The following PLD5 variants were observed in gnomAD, a reference collection of about 807,000 sequenced individuals.
The protein encoded by PLD5 is phospholipase D family member 5.
In PLD5, 36 loss-of-function variants were observed where a neutral mutation model predicts 61.1. The ratio of observed to expected loss-of-function variants is 0.59; its 90% confidence interval spans 0.45 to 0.78. The LOEUF is 0.78. Ranked by LOEUF, PLD5 falls within the 30% of genes least tolerant of loss-of-function variation. The pLI, the probability that PLD5 is intolerant of heterozygous loss-of-function variation, is 0.00. For missense variants in PLD5, 515 were observed against 644.4 expected, an observed-to-expected ratio of 0.80 and a Z score of 2.17; for synonymous variants, 243 against 242.8, an observed-to-expected ratio of 1.00 and a Z score of -0.01.
At chr1:242,288,601 C>T in intron 2 of PLD5, 71 bp from the exon 3 acceptor site, 2 of 1,495,828 alleles carry the variant, frequency 1.3e-6, no homozygotes, top group African/African-American at 1.4e-5. Context: ...TTTATATATG[C>T]ATACAGCAGA....
At chr1:242,475,422 C>CAAAA (rs5782239) in intron 1 of PLD5, among the ~76,000 whole-genome samples, 2,203 of 90,800 alleles carry the variant, frequency 0.024, 35 homozygotes, top group Non-Finnish European at 0.035. Flanking sequence ...GACTCCGTCT[C>CAAAA]AAAAAAAAAA....
intron 5 of PLD5, among the ~76,000 whole-genome samples, chr1:242,127,024 T>C (rs1662843636): frequency 6.6e-6 from 1 of 152,140 alleles, no homozygotes; most frequent in Admixed American, 6.5e-5. Context: ...AAAGAAGATA[T>C]ACAAATGGCC....
chr1:242,257,084 C>CTATCTATCT lies in PLD5; in HGVS notation c.607+8252_607+8253insAGATAGATA, dbSNP rs60806940. On this transcript the variant is annotated intron_variant, in intron 4 of 9. Coordinates refer to ENST00000536534, the MANE Select transcript of PLD5 (RefSeq NM_001372062.1). ...TCTATCTATCTATCTATCTATCTAT[C>CTATCTATCT]ATTTATCTATATCTTTCTATCTGTC... 1.6e-3 allele frequency among the ~76,000 whole-genome samples: 238 copies of CTATCTATCT among 149,248 alleles called. 2 individuals are homozygous for CTATCTATCT. Among genetic ancestry groups the CTATCTATCT allele is most frequent in the African/African-American group, 5.7e-3 (231 of 40,580 alleles).
At chr1:242,412,143 A>G (rs1664591245) in intron 1 of PLD5, among the ~76,000 whole-genome samples, 1 of 152,188 alleles carries the variant, frequency 6.6e-6, no homozygotes. Context: ...AAGATAAGCT[A>G]GTAATGCTCA....
In PLD5 at chr1:242,348,123, A is replaced by AT. The variant is rs1558485246; in HGVS notation, c.308dup (p.Asn103LysfsTer5). On this transcript the variant is annotated frameshift_variant, in exon 2 of 10. Coordinates refer to ENST00000536534, the MANE Select transcript of PLD5 (RefSeq NM_001372062.1). LOFTEE classifies it high-confidence loss of function. ...CCTCTTACCGACATTTATTTTGGCAATTTTTTTCTGAGAGTCCATCCTCAT... is the reference window on the plus strand; with the variant it reads ...CCTCTTACCGACATTTATTTTGGCAATTTTTTTTCTGAGAGTCCATCCTCAT... 1 of 1,612,866 alleles carries AT rather than the reference A, an allele frequency of 6.2e-7. No homozygotes were observed.
chr1:242,111,118 G>A (rs996352125), intron 7 of PLD5, among the ~76,000 whole-genome samples: 1 of 150,742 alleles, frequency 6.6e-6, no homozygotes, highest in Non-Finnish European at 1.5e-5. Context: ...GTGCAATGGC[G>A]TGATCTTGGC....
intron 1 of PLD5, among the ~76,000 whole-genome samples, chr1:242,514,758 A>C (rs898580259): frequency 5.9e-5 from 9 of 152,174 alleles, no homozygotes; most frequent in Non-Finnish European, 1.0e-4. Flanking sequence ...GTGCAATGGG[A>C]TAACAGGGAA....
At chr1:242,394,926 ATACATTATATGAATATATATGATT>A in intron 1 of PLD5, among the ~76,000 whole-genome samples, 1 of 79,216 alleles carries the variant, frequency 1.3e-5, no homozygotes, top group Non-Finnish European at 2.8e-5. Flanking sequence ...GTATATATGT[ATACATTATATGAATATATATGATT>A]ATATATGAAT....
At chr1:242,520,460 G>C (rs1325787252) in intron 1 of PLD5, among the ~76,000 whole-genome samples, 1 of 152,180 alleles carries the variant, frequency 6.6e-6, no homozygotes, top group African/African-American at 2.4e-5. Context: ...TGGTAACTGT[G>C]AGCCCTTTGC....
Position 242,096,902 on chromosome 1 carries a change from C to T in PLD5, c.1354+3766G>A, listed in dbSNP as rs58250478. 8.6e-3 allele frequency among the ~76,000 whole-genome samples: 1,295 copies of T among 150,770 alleles called. 23 individuals carry two copies. The highest frequency in any genetic ancestry group is 0.028 in the African/African-American group (1,147 of 41,044). ...AACGCTATCCCTCCTCCTTCCCCCT[C>T]CCCCTCCCCACAACAGCCCCCGGTG... On this transcript the variant is annotated intron_variant, in intron 9 of 9. Transcript: ENST00000536534.
At chr1:242,372,017 A>AC (rs1400267776) in intron 1 of PLD5, among the ~76,000 whole-genome samples, 2 of 150,836 alleles carry the variant, frequency 1.3e-5, no homozygotes, top group African/African-American at 4.9e-5. Context: ...CCCTCCTACC[A>AC]CCCTCCCCAC....
At chr1:242,248,617 G>A (rs1368735654) in intron 4 of PLD5, among the ~76,000 whole-genome samples, 1 of 151,774 alleles carries the variant, frequency 6.6e-6, no homozygotes, top group African/African-American at 2.4e-5. Flanking sequence ...AAAGGCTGAA[G>A]GGAGCTCATA....
chr1:242,190,214 C>G (rs1030630667), intron 5 of PLD5, among the ~76,000 whole-genome samples: 3 of 137,478 alleles, frequency 2.2e-5, no homozygotes, highest in South Asian at 2.4e-4. Context: ...GGCAGGATCT[C>G]TGCTCACCGC....
Position 242,492,948 on chromosome 1 carries a change from G to A in PLD5, c.189+31140C>T, listed in dbSNP as rs115733353. Among the ~76,000 whole-genome samples, 606 of 152,212 alleles carry A rather than the reference G, an allele frequency of 4.0e-3. 2 individuals are homozygous for A. The highest frequency in any genetic ancestry group is 5.1e-3 in the Non-Finnish European group (349 of 68,018). On this transcript the variant is annotated intron_variant, in intron 1 of 9. Coordinates refer to ENST00000536534, the MANE Select transcript of PLD5 (RefSeq NM_001372062.1). ...TCTACTTCCTAAAACCATCACATGG[G>A]AGGTAGGATTTCAATATATGAATTT... is the stretch of plus-strand genomic sequence containing the variant.
At chr1:242,461,539 C>T (rs1057015365) in intron 1 of PLD5, among the ~76,000 whole-genome samples, 3 of 152,184 alleles carry the variant, frequency 2.0e-5, no homozygotes, top group African/African-American at 7.2e-5. Context: ...ATTTCTCAAC[C>T]TGTCCTACTC....
intron 1 of PLD5, among the ~76,000 whole-genome samples, chr1:242,448,615 G>A (rs1666648286): frequency 6.6e-6 from 1 of 152,136 alleles, no homozygotes; most frequent in South Asian, 2.1e-4. Context: ...ATTGGGAGGA[G>A]ACACTTGGAA....
chr1:242,193,895 T>C (rs1182769166), intron 5 of PLD5, among the ~76,000 whole-genome samples: 1 of 152,232 alleles, frequency 6.6e-6, no homozygotes, highest in Non-Finnish European at 1.5e-5. Context: ...ATGATTATCC[T>C]TCCAAAGTCT....
chr1:242,182,404 C>A (rs532867062), intron 5 of PLD5, among the ~76,000 whole-genome samples: 1 of 152,108 alleles, frequency 6.6e-6, no homozygotes, highest in Admixed American at 6.5e-5. Flanking sequence ...ATTATTTATA[C>A]CTACCTCTAT....
intron 1 of PLD5, among the ~76,000 whole-genome samples, chr1:242,492,222 G>A (rs1196064589): frequency 1.3e-5 from 2 of 152,002 alleles, no homozygotes; most frequent in Non-Finnish European, 2.9e-5. Context: ...TAAAAATAGT[G>A]TACACGGTGG....
Sources: allele counts gnomAD v4.1 joint callset (sites outside exome capture counted in the v4.1 genomes callset), GRCh38; gene constraint gnomAD v4.1.1; transcripts MANE v1.5; gene names NCBI Gene and HGNC (gene_info 2026-07-23, HGNC 2026-07-21).